The following SCAPER variants were observed in gnomAD, a reference collection of about 807,000 sequenced individuals.
SCAPER encodes the protein S phase cyclin A-associated protein in the endoplasmic reticulum.
In SCAPER, 98 loss-of-function variants were observed where a neutral mutation model predicts 182.2. The observed-to-expected ratio is 0.54, with a 90% CI of 0.46 to 0.64. The LOEUF (loss-of-function observed/expected upper bound fraction) is 0.64. SCAPER is among the 30% of genes least tolerant of loss of function. The probability of loss-of-function intolerance (pLI) is 0.00; values close to 1 mark genes in which losing one functional copy is unlikely to be tolerated. For synonymous variants in SCAPER, 605 were observed against 564.6 expected (o/e 1.07, Z -1.01); for missense variants, 1,432 against 1,690.0 (o/e 0.85, Z 2.68).
rs796171889 is a variant in SCAPER, at chr15:76,858,461, C to CT, written c.125-583dup. ...AGCAATTCAAAACAGAAATAAAATT[C>CT]TTTTTTTTTTCTTTTATTTTAGGTA... On this transcript the variant is annotated intron_variant, in intron 3 of 31. Transcript: ENST00000563290. Among the ~76,000 whole-genome samples the CT allele has an allele frequency of 1.0e-3, 155 of 149,088 alleles. 1 individual carries two copies. Among genetic ancestry groups the CT allele is most frequent in the African/African-American group, 3.2e-3 (130 of 40,638 alleles).
chr15:76,783,201 A>T (rs1401595645), intron 8 of SCAPER, among the ~76,000 whole-genome samples: 1 of 152,240 alleles, frequency 6.6e-6, no homozygotes, highest in South Asian at 2.1e-4. Context: ...TAAAGGGGAT[A>T]TCACCACAGA....
chr15:76,811,904 C>A (rs1454046282), intron 5 of SCAPER, among the ~76,000 whole-genome samples: 1 of 151,702 alleles, frequency 6.6e-6, no homozygotes, highest in African/African-American at 2.4e-5. Flanking sequence ...GAAGAAATAT[C>A]TCAAATAAAC....
At chr15:76,569,983 T>G (rs1177899566) in intron 23 of SCAPER, among the ~76,000 whole-genome samples, 1 of 152,182 alleles carries the variant, frequency 6.6e-6, no homozygotes, top group East Asian at 1.9e-4. Context: ...GTCTTGTCCC[T>G]TTGTATGCTT....
At chr15:76,637,255 G>A (rs956902575) in intron 21 of SCAPER, among the ~76,000 whole-genome samples, 6 of 151,870 alleles carry the variant, frequency 4.0e-5, no homozygotes, top group African/African-American at 1.5e-4. Context: ...AATTCTTGAG[G>A]GTATATATCT....
At chr15:76,365,188 A>G (rs1051770567) in intron 29 of SCAPER, among the ~76,000 whole-genome samples, 2 of 152,218 alleles carry the variant, frequency 1.3e-5, no homozygotes, top group African/African-American at 2.4e-5. Context: ...GGATGTCACA[A>G]GGACAAGGAT....
intron 29 of SCAPER, among the ~76,000 whole-genome samples, chr15:76,374,108 A>G (rs202216745): frequency 6.6e-6 from 1 of 151,992 alleles, no homozygotes; most frequent in African/African-American, 2.4e-5. Flanking sequence ...AAAATTAGAA[A>G]GCTGGGGGCA....
At chr15:76,722,776 T>C (rs2060332842) in intron 17 of SCAPER, among the ~76,000 whole-genome samples, 1 of 152,048 alleles carries the variant, frequency 6.6e-6, no homozygotes, top group African/African-American at 2.4e-5. Context: ...TGGTGATATC[T>C]CCTTTGTCAT....
intron 21 of SCAPER, among the ~76,000 whole-genome samples, chr15:76,664,541 T>A (rs1169778391): frequency 6.6e-6 from 1 of 152,076 alleles, no homozygotes; most frequent in Non-Finnish European, 1.5e-5. Flanking sequence ...TGAGTAAAGC[T>A]GAAGATATAA....
intron 25 of SCAPER, among the ~76,000 whole-genome samples, chr15:76,456,673 A>G (rs530996623): frequency 6.6e-6 from 1 of 152,342 alleles, no homozygotes; most frequent in East Asian, 1.9e-4. Context: ...TAGTTATTGT[A>G]TCAGTTGCTG....
At chr15:76,490,990 A>G (rs1156231523) in intron 24 of SCAPER, among the ~76,000 whole-genome samples, 1 of 152,140 alleles carries the variant, frequency 6.6e-6, no homozygotes, top group Non-Finnish European at 1.5e-5. Context: ...TTTAAACCCA[A>G]TTAAGGACTA....
In SCAPER at chr15:76,471,243, A is replaced by T; in HGVS notation, c.3047T>A (p.Phe1016Tyr). 1 of 1,612,054 alleles carries T rather than the reference A, an allele frequency of 6.2e-7. No individual in the cohort carries two copies. Among genetic ancestry groups the T allele is most frequent in the Non-Finnish European group, 8.5e-7 (1 of 1,179,000 alleles). ...CTGGTGTATCAGGAGGTCCATTAAG[A>T]AGGTAATCTTGTTACTAAACAGAAC... is the stretch of plus-strand genomic sequence containing the variant. ...SDVLFSNKITFLMDLLIHQLT... is the reference protein window; with the variant it reads ...SDVLFSNKITYLMDLLIHQLT... The change falls in exon 25 of 32, where the codon TTC becomes TAC. Residue 1016 changes from phenylalanine (F) to tyrosine (Y), a missense_variant. Around this residue, in one of 5 missense-constraint regions of SCAPER, gnomAD observed 718 missense variants for 799.7 expected, o/e 0.90. Transcript: ENST00000563290.
At chr15:76,836,731 G>A (rs111776924) in intron 5 of SCAPER, among the ~76,000 whole-genome samples, 12,945 of 151,848 alleles carry the variant, frequency 0.085, 661 homozygotes, top group African/African-American at 0.13. Context: ...AAAATTAGCC[G>A]GGCGTGGTGG....
At position 76,728,747 on chromosome 15, in the gene SCAPER, GA is replaced by G. The variant is rs761414292; in HGVS notation, c.2023-11del. On this transcript the variant is annotated splice_polypyrimidine_tract_variant and intron_variant, in intron 16 of 31. Coordinates refer to ENST00000563290, the MANE Select transcript of SCAPER (RefSeq NM_020843.4). ...GAGCTCTCTTGCGTTCCTAATGTTA[GA>G]AATATTTGTTTCCAATATTAGAATT... 3.2e-5 allele frequency: 51 copies of G among 1,599,652 alleles called. No individual in the cohort carries two copies. Among genetic ancestry groups the G allele is most frequent in the Non-Finnish European group, 4.3e-5 (51 of 1,175,198 alleles).
intron 25 of SCAPER, among the ~76,000 whole-genome samples, chr15:76,470,165 A>G (rs1291016291): frequency 2.0e-5 from 3 of 152,166 alleles, no homozygotes; most frequent in Non-Finnish European, 4.4e-5. Context: ...CCACACATAC[A>G]TACAATGACG....
intron 21 of SCAPER, among the ~76,000 whole-genome samples, chr15:76,652,371 C>CATATATATATAT (rs56164668): frequency 0.023 from 186 of 7,918 alleles, 10 homozygotes; most frequent in East Asian, 0.034. Flanking sequence ...CACACACACA[C>CATATATATATAT]ATATATATAT....
At chr15:76,531,191 C>CA (rs1350284461) in intron 23 of SCAPER, among the ~76,000 whole-genome samples, 1 of 151,976 alleles carries the variant, frequency 6.6e-6, no homozygotes, top group Non-Finnish European at 1.5e-5. Context: ...TATATATTAG[C>CA]AAAAGTTGAG....
chr15:76,530,695 T>C (rs893339246), intron 23 of SCAPER, among the ~76,000 whole-genome samples: 10 of 152,148 alleles, frequency 6.6e-5, no homozygotes, highest in Non-Finnish European at 1.5e-4. Flanking sequence ...TTCCTGTGAA[T>C]GAGCTATGTC....
rs1344978045 is a variant in SCAPER, at chr15:76,399,991, C to T, written c.3467+4533G>A. Among the ~76,000 whole-genome samples the T allele has an allele frequency of 1.4e-4, 19 of 133,488 alleles. 1 individual carries two copies. The South Asian group carries it at 1.6e-3, about 11-fold the overall frequency. The allele number at this position is 133,488 out of a possible 152,430, so 87.6% of individuals were successfully genotyped here. A position where few individuals can be genotyped will look rare whatever the true frequency, so the allele number is the denominator to read the frequency against. Reference sequence around the variant, plus strand: ...CTGCACTCCAGCCTGGGCGACAGAGCGAGACTCCGTCTCAAAAAAAAAAAA... The same window carrying T: ...CTGCACTCCAGCCTGGGCGACAGAGTGAGACTCCGTCTCAAAAAAAAAAAA... On this transcript the variant is annotated intron_variant, in intron 27 of 31. Coordinates refer to ENST00000563290, the MANE Select transcript of SCAPER (RefSeq NM_020843.4).
intron 25 of SCAPER, 156 bp downstream of exon 25, chr15:76,471,056 C>G (rs2050116138): frequency 1.5e-6 from 1 of 653,566 alleles, no homozygotes; most frequent in Admixed American, 4.0e-5. Flanking sequence ...GTCTGCCAGT[C>G]TCTATTCTCA....
Sources: allele counts gnomAD v4.1 joint callset (sites outside exome capture counted in the v4.1 genomes callset), GRCh38; gene constraint gnomAD v4.1.1; regional missense constraint gnomAD v4.1.1; transcripts MANE v1.5; gene names NCBI Gene and HGNC (gene_info 2026-07-23, HGNC 2026-07-21).